The following OSBPL10 variants were observed in gnomAD, a reference collection of about 807,000 sequenced individuals.
The protein encoded by OSBPL10 is oxysterol binding protein like 10, also known as oxysterol-binding protein-related protein 10.
A neutral mutation model predicts 81.7 loss-of-function variants in OSBPL10; 49 were observed. That is an observed-to-expected ratio of 0.60 (90% CI 0.48 to 0.76). The LOEUF is 0.76. Among genes scored for constraint, OSBPL10 ranks in the 30% least tolerant of loss-of-function variants. The pLI is 0.00. For missense variants in OSBPL10, 923 were observed against 987.8 expected, an observed-to-expected ratio of 0.93 and a Z score of 0.88; for synonymous variants, 419 against 383.6, an observed-to-expected ratio of 1.09 and a Z score of -1.08.
chr3:32,034,501 G>A (rs1364294132), intron 2 of OSBPL10, among the ~76,000 whole-genome samples: 2 of 151,104 alleles, frequency 1.3e-5, no homozygotes, highest in African/African-American at 4.9e-5. Flanking sequence ...TAAAAGCTCT[G>A]AGACTTCCTA....
At chr3:31,780,476 A>G (rs946090790) in intron 4 of OSBPL10, among the ~76,000 whole-genome samples, 1 of 151,890 alleles carries the variant, frequency 6.6e-6, no homozygotes, top group Non-Finnish European at 1.5e-5. Context: ...ATCAGAATAG[A>G]ACTAAATGAA....
intron 3 of OSBPL10, among the ~76,000 whole-genome samples, chr3:31,862,608 T>C (rs1300963263): frequency 6.6e-6 from 1 of 151,690 alleles, no homozygotes; most frequent in African/African-American, 2.4e-5. Flanking sequence ...TATAAATGAA[T>C]AAAAAAAGAC....
chr3:31,931,146 G>C (rs767193907), intron 1 of OSBPL10, among the ~76,000 whole-genome samples: 10 of 151,900 alleles, frequency 6.6e-5, no homozygotes, highest in Non-Finnish European at 1.5e-4. Flanking sequence ...TTTGGAGAGG[G>C]AGACCGAGAG....
At chr3:31,823,482 A>G (rs552960963) in intron 4 of OSBPL10, among the ~76,000 whole-genome samples, 7 of 152,320 alleles carry the variant, frequency 4.6e-5, no homozygotes, top group African/African-American at 1.7e-4. Flanking sequence ...CAAGAGAAAG[A>G]TAAGCCAAGC....
Position 31,664,180 on chromosome 3 carries a change from C to T in OSBPL10, c.2149G>A (p.Ala717Thr), listed in dbSNP as rs772764833. ...RYLRLGDIDA[A>T]TEQKRHLEEK... ...TCCAGGTGCCGCTTCTGCTCGGTGGCTGCGTCAATGTCCCCCAGCCGCAGG... is the reference window on the plus strand; with the variant it reads ...TCCAGGTGCCGCTTCTGCTCGGTGGTTGCGTCAATGTCCCCCAGCCGCAGG... The change falls in exon 11 of 12, where the codon GCC (alanine) becomes ACC (threonine). Residue 717 changes from alanine to threonine, a missense_variant. This residue lies in a region of OSBPL10 where 387 missense variants were observed against 436.3 expected (regional missense o/e 0.89). Coordinates refer to ENST00000396556, the MANE Select transcript of OSBPL10 (RefSeq NM_017784.5). The T allele has an allele frequency of 6.2e-7, 1 of 1,613,414 alleles. No individual in the cohort carries two copies. Among genetic ancestry groups the T allele is most frequent in the South Asian group, 1.1e-5 (1 of 91,036 alleles).
In OSBPL10 at chr3:31,663,062, C is replaced by G. The variant is rs1700106260; in HGVS notation, c.2251-946G>C. ...GCTTCCTGCTCTTCCTGCTCTTAAC[C>G]ATGAATCCACCCCAGTTACCTACTA... On this transcript the variant is annotated intron_variant, in intron 11 of 11. Coordinates refer to ENST00000396556, the MANE Select transcript of OSBPL10 (RefSeq NM_017784.5). 6 of 985,292 alleles carry G rather than the reference C, an allele frequency of 6.1e-6. No individual in the cohort carries two copies. The South Asian group carries it at 2.8e-4, about 46-fold the overall frequency. 61.0% of individuals were successfully genotyped at this position (985,292 alleles called of 1,614,324 possible).
Position 32,008,133 on chromosome 3 carries a change from T to C in OSBPL10, n.298+38358A>G, listed in dbSNP as rs1046209373. ...TACTCAGCCTATTACGGGAATGATTTAATTTAAAATTATTGTATATCCCTA... is the reference window on the plus strand; with the variant it reads ...TACTCAGCCTATTACGGGAATGATTCAATTTAAAATTATTGTATATCCCTA... On this transcript the variant is annotated intron_variant and non_coding_transcript_variant, in intron 2 of 3. Transcript: ENST00000479173. 3.9e-5 allele frequency among the ~76,000 whole-genome samples: 6 copies of C among 152,074 alleles called. No homozygotes were observed. The East Asian group carries it at 7.7e-4, about 20-fold the overall frequency.
intron 4 of OSBPL10, among the ~76,000 whole-genome samples, chr3:31,754,096 C>T (rs2125708832): frequency 6.6e-6 from 1 of 152,196 alleles, no homozygotes; most frequent in South Asian, 2.1e-4. Context: ...TCTACCTTCG[C>T]CCTTTAATTC....
intron 1 of OSBPL10, among the ~76,000 whole-genome samples, chr3:31,970,724 C>T (rs1050610685): frequency 9.9e-5 from 15 of 152,228 alleles, no homozygotes; most frequent in African/African-American, 3.6e-4. Flanking sequence ...ATACACAGGG[C>T]CAGCGTTCCC....
chr3:32,005,175 G>C (rs368711020), intron 2 of OSBPL10, among the ~76,000 whole-genome samples: 141 of 152,198 alleles, frequency 9.3e-4, no homozygotes, highest in African/African-American at 3.3e-3. Context: ...GCGTCATCTA[G>C]GTTTTAAGTC....
chr3:31,771,911 C>T (rs935731483), intron 4 of OSBPL10, among the ~76,000 whole-genome samples: 11 of 152,158 alleles, frequency 7.2e-5, no homozygotes, highest in African/African-American at 2.7e-4. Context: ...GCAGCCCAAC[C>T]CTCAGTTTGG....
intron 3 of OSBPL10, 56 bp downstream of exon 3, chr3:31,876,377 G>A (rs1701470740): frequency 7.0e-7 from 1 of 1,436,632 alleles, no homozygotes; most frequent in Non-Finnish European, 9.8e-7. Flanking sequence ...CAAATAATGG[G>A]GCTGAAAGCC....
chr3:31,895,657 C>G (rs1696033690), intron 1 of OSBPL10, among the ~76,000 whole-genome samples: 1 of 152,152 alleles, frequency 6.6e-6, no homozygotes, highest in Admixed American at 6.5e-5. Context: ...TTTGACTCTT[C>G]CTGTGCCAAT....
intron 4 of OSBPL10, among the ~76,000 whole-genome samples, chr3:31,825,770 C>A (rs1196968470): frequency 6.6e-6 from 1 of 152,134 alleles, no homozygotes; most frequent in Non-Finnish European, 1.5e-5. Flanking sequence ...AATAGCAATA[C>A]TATGTTACTC....
intron 1 of OSBPL10, among the ~76,000 whole-genome samples, chr3:31,897,805 C>T (rs1008245448): frequency 4.6e-5 from 7 of 151,562 alleles, no homozygotes; most frequent in Admixed American, 2.6e-4. Context: ...GTCAGGAGTT[C>T]GAGACCAGCC....
intron 1 of OSBPL10, among the ~76,000 whole-genome samples, chr3:31,884,245 G>C (rs1480707601): frequency 4.0e-5 from 6 of 151,890 alleles, no homozygotes; most frequent in Non-Finnish European, 5.9e-5. Flanking sequence ...TTCTGCCTCA[G>C]ATGAAAAAAA....
At chr3:31,791,557 G>A (rs2125423849) in intron 4 of OSBPL10, among the ~76,000 whole-genome samples, 1 of 152,186 alleles carries the variant, frequency 6.6e-6, no homozygotes, top group African/African-American at 2.4e-5. Flanking sequence ...ATTCTAATAT[G>A]TGTTTATCTT....
chr3:31,842,843 G>A (rs1700532756), intron 3 of OSBPL10, among the ~76,000 whole-genome samples: 1 of 152,192 alleles, frequency 6.6e-6, no homozygotes, highest in Non-Finnish European at 1.5e-5. Context: ...GAGAAGTTAT[G>A]GAGTTGGGGA....
At chr3:31,675,927 C>A (rs1414986194) in intron 8 of OSBPL10, among the ~76,000 whole-genome samples, 1 of 123,184 alleles carries the variant, frequency 8.1e-6, no homozygotes, top group Non-Finnish European at 1.6e-5. Flanking sequence ...GCCTGGGCGA[C>A]AGAGCGAGAC....
Sources: gnomAD v4.1 joint callset for allele counts (sites outside exome capture counted in the v4.1 genomes callset) on GRCh38, gnomAD v4.1.1 for gene constraint, gnomAD v4.1.1 regional missense constraint, MANE v1.5 for transcripts, NCBI Gene and HGNC (gene_info 2026-07-23, HGNC 2026-07-21) for gene names.